Variants in GALNT13 observed in about 807,000 individuals in gnomAD.
The protein encoded by GALNT13 is polypeptide N-acetylgalactosaminyltransferase 13.
GALNT13 carries 28 observed loss-of-function variants against 64.2 expected under a neutral mutation model. That is an observed-to-expected ratio of 0.44 (90% CI 0.32 to 0.60). GALNT13 has a LOEUF of 0.60. Among genes scored for constraint, GALNT13 ranks in the 20% least tolerant of loss-of-function variants. The probability of loss-of-function intolerance (pLI) is 0.05; values close to 1 mark genes in which losing one functional copy is unlikely to be tolerated. For synonymous variants in GALNT13, 214 were observed against 224.6 expected, an observed-to-expected ratio of 0.95 and a Z score of 0.42; for missense variants, 577 against 669.8, an observed-to-expected ratio of 0.86 and a Z score of 1.53.
the GALNT13 span, among the ~76,000 whole-genome samples, chr2:153,823,094 A>G: frequency 2.0e-5 from 3 of 152,226 alleles, no homozygotes; most frequent in Admixed American, 1.3e-4. Context: ...TACAAGGATA[A>G]TTATAAAACA....
the GALNT13 span, among the ~76,000 whole-genome samples, chr2:153,258,939 T>C: frequency 6.6e-6 from 1 of 152,214 alleles, no homozygotes; most frequent in African/African-American, 2.4e-5. Flanking sequence ...TTAGATGAAA[T>C]GTTCTGTAAA....
At chr2:153,788,046 C>A in the GALNT13 span, among the ~76,000 whole-genome samples, 1 of 152,148 alleles carries the variant, frequency 6.6e-6, no homozygotes, top group Non-Finnish European at 1.5e-5. Flanking sequence ...ACTTCCCGAA[C>A]CTAGCTAGGG....
At chr2:153,848,023 G>C in the GALNT13 span, among the ~76,000 whole-genome samples, 1 of 152,212 alleles carries the variant, frequency 6.6e-6, no homozygotes, top group Non-Finnish European at 1.5e-5. Flanking sequence ...GTCTGTTCCC[G>C]GGAGATGGAA....
the GALNT13 span, among the ~76,000 whole-genome samples, chr2:153,797,205 G>A: frequency 1.3e-5 from 2 of 152,198 alleles, no homozygotes; most frequent in African/African-American, 4.8e-5. Context: ...GTCATGGACA[G>A]AGGCTTTTTG....
At chr2:154,299,993 A>T (rs79491314) in intron 8 of GALNT13, among the ~76,000 whole-genome samples, 2,145 of 151,974 alleles carry the variant, frequency 0.014, 24 homozygotes, top group Admixed American at 0.021. Context: ...TGATAAAAAA[A>T]GTGGTTGTCT....
At chr2:153,682,987 G>C in the GALNT13 span, among the ~76,000 whole-genome samples, 1 of 151,792 alleles carries the variant, frequency 6.6e-6, no homozygotes, top group South Asian at 2.1e-4. Flanking sequence ...TTTTACAAAT[G>C]TAAAGAAGGA....
At chr2:153,181,279 C>G in the GALNT13 span, among the ~76,000 whole-genome samples, 2 of 150,352 alleles carry the variant, frequency 1.3e-5, no homozygotes, top group Admixed American at 1.3e-4. Flanking sequence ...TTCAGGAGTA[C>G]GTTTTAAAAT....
the GALNT13 span, among the ~76,000 whole-genome samples, chr2:153,202,941 A>G: frequency 6.6e-6 from 1 of 152,140 alleles, no homozygotes; most frequent in Non-Finnish European, 1.5e-5. Context: ...TTTATTTTGT[A>G]TTGCTCTCAT....
At chr2:153,213,235 A>G in the GALNT13 span, among the ~76,000 whole-genome samples, 1 of 152,198 alleles carries the variant, frequency 6.6e-6, no homozygotes, top group Non-Finnish European at 1.5e-5. Context: ...TCTCCCATCA[A>G]GTCCCATGGG....
the GALNT13 span, among the ~76,000 whole-genome samples, chr2:153,257,822 C>G: frequency 2.0e-5 from 3 of 152,116 alleles, no homozygotes; most frequent in Non-Finnish European, 2.9e-5. Context: ...CAATAGGACA[C>G]AATTGGAGGA....
chr2:153,268,805 C>A, the GALNT13 span, among the ~76,000 whole-genome samples: 1 of 152,184 alleles, frequency 6.6e-6, no homozygotes, highest in South Asian at 2.1e-4. Context: ...TGGAAGCCAC[C>A]AAGGCTTGGG....
chr2:153,875,489 G>T (rs758652028), intron 1 of GALNT13, among the ~76,000 whole-genome samples: 3 of 152,160 alleles, frequency 2.0e-5, no homozygotes, highest in Non-Finnish European at 4.4e-5. Context: ...AGTCATTTCA[G>T]TTTAAACAGT....
intron 4 of GALNT13, among the ~76,000 whole-genome samples, chr2:154,146,443 G>A (rs1470702568): frequency 6.6e-6 from 1 of 151,862 alleles, no homozygotes; most frequent in Non-Finnish European, 1.5e-5. Context: ...CTAAAAAAAA[G>A]TGGTATTATA....
the GALNT13 span, among the ~76,000 whole-genome samples, chr2:153,744,864 T>C: frequency 2.0e-5 from 3 of 152,122 alleles, no homozygotes; most frequent in African/African-American, 7.2e-5. Flanking sequence ...ACTGAGAGTA[T>C]CTTCCCAGGT....
At chr2:154,265,860 A>G (rs1690966538) in intron 8 of GALNT13, among the ~76,000 whole-genome samples, 1 of 152,226 alleles carries the variant, frequency 6.6e-6, no homozygotes, top group Non-Finnish European at 1.5e-5. Context: ...TGATGCAGAA[A>G]TTCTAAATAA....
the GALNT13 span, among the ~76,000 whole-genome samples, chr2:153,266,799 CCTCCCAAAT>C: frequency 6.6e-6 from 1 of 152,190 alleles, no homozygotes; most frequent in African/African-American, 2.4e-5. Flanking sequence ...ACTGGTGGTC[CCTCCCAAAT>C]CTCACATCAT....
the GALNT13 span, among the ~76,000 whole-genome samples, chr2:153,316,836 G>A: frequency 6.6e-6 from 1 of 152,092 alleles, no homozygotes; most frequent in Admixed American, 6.6e-5. Context: ...AATAAGTGAC[G>A]TGGCAGAGAT....
the GALNT13 span, among the ~76,000 whole-genome samples, chr2:153,590,814 G>A: frequency 3.3e-5 from 5 of 152,108 alleles, no homozygotes; most frequent in South Asian, 8.3e-4. Flanking sequence ...GAAGGATTGT[G>A]TCTCAAAGTA....
chr2:153,563,891 C>T, the GALNT13 span, among the ~76,000 whole-genome samples: 2 of 151,976 alleles, frequency 1.3e-5, no homozygotes, highest in Admixed American at 1.3e-4. Context: ...TTTTTTGGCC[C>T]TCTCCTTCAC....
Sources: gnomAD v4.1 joint callset for allele counts (sites outside exome capture counted in the v4.1 genomes callset) on GRCh38, gnomAD v4.1.1 for gene constraint, MANE v1.5 for transcripts, NCBI Gene and HGNC (gene_info 2026-07-23, HGNC 2026-07-21) for gene names.